Variants in MAJIN observed in about 807,000 individuals in gnomAD.
The protein encoded by MAJIN is membrane anchored junction protein, also known as membrane-anchored junction protein.
Under a neutral mutation model 30.2 loss-of-function variants are expected in MAJIN, and 27 were observed. The ratio of observed to expected loss-of-function variants is 0.89; its 90% CI spans 0.66 to 1.23. The LOEUF is 1.23. Among genes scored for constraint, MAJIN ranks in the 50% most tolerant of loss-of-function variants. MAJIN has a pLI of 0.00. For synonymous variants in MAJIN, 78 were observed against 91.6 expected, an observed-to-expected ratio of 0.85 and a Z score of 0.85; for missense variants, 253 against 260.3, an observed-to-expected ratio of 0.97 and a Z score of 0.19.
rs149450150 is a variant in MAJIN at position 64,947,396 on chromosome 11, G to C, written c.451C>G (p.Pro151Ala). ...KRKHMDEPSS[P>A]SRPGLDRIGK... ...GACCTGTCCAGCCCTGGCCTGCTGGGGGAGCTGGGCTCGTCCATGTGTTTT... is the reference window on the plus strand; with the variant it reads ...GACCTGTCCAGCCCTGGCCTGCTGGCGGAGCTGGGCTCGTCCATGTGTTTT... Residue 151 changes from proline (P) to alanine (A), a missense_variant, in exon 8 of 11, where the codon CCC becomes GCC. Transcript: ENST00000301896. 6.2e-7 allele frequency: 1 copy of C among 1,613,424 alleles called. No individual in the cohort carries two copies. Among genetic ancestry groups the C allele is most frequent in the African/African-American group, 1.3e-5 (1 of 74,916 alleles).
Position 64,938,580 on chromosome 11 carries a change from G to T in MAJIN, c.*2-7C>A. 1 of 1,535,660 alleles carries T rather than the reference G, an allele frequency of 6.5e-7. No individual in the cohort carries two copies. Among genetic ancestry groups the T allele is most frequent in the Non-Finnish European group, 8.7e-7 (1 of 1,146,556 alleles). ...TCGAAACGGGAAGAGAGAGCTGCAA[G>T]AATGAGAACAGAGTAGGCTGAGACT... is the stretch of plus-strand genomic sequence containing the variant. On this transcript the variant is annotated splice_polypyrimidine_tract_variant and splice_region_variant and intron_variant, in intron 10 of 10. Transcript: ENST00000301896.
chr11:64,951,803 T>G (rs1945556252), intron 4 of MAJIN, among the ~76,000 whole-genome samples: 1 of 151,918 alleles, frequency 6.6e-6, no homozygotes, highest in African/African-American at 2.4e-5. Context: ...GTGTCTTGTT[T>G]ATCTTTGTAT....
intron 5 of MAJIN, 33 bp from the exon 6 acceptor site, chr11:64,949,901 G>A (rs377563243): frequency 6.3e-7 from 1 of 1,597,270 alleles, no homozygotes; most frequent in Non-Finnish European, 8.5e-7. Context: ...AAGGAAAGAT[G>A]CCAGTATGCA....
At chr11:64,967,016 C>T (rs944395931) in intron 1 of MAJIN, among the ~76,000 whole-genome samples, 1 of 151,832 alleles carries the variant, frequency 6.6e-6, no homozygotes, top group Non-Finnish European at 1.5e-5. Context: ...TGGCTCATGC[C>T]TGTAATCCCA....
chr11:64,940,701 A>G (rs765805528), intron 8 of MAJIN, 55 bp from the exon 9 acceptor site: 1 of 1,491,688 alleles, frequency 6.7e-7, no homozygotes, highest in Non-Finnish European at 9.3e-7. Context: ...ACTGCATGGC[A>G]ATCTGAATGC....
At chr11:64,946,950 G>A (rs1945461088) in intron 8 of MAJIN, among the ~76,000 whole-genome samples, 1 of 152,070 alleles carries the variant, frequency 6.6e-6, no homozygotes. Context: ...TGCCTCTTAA[G>A]GTTCCAAAAG....
In MAJIN at chr11:64,972,083, C is replaced by T. The variant is rs750927020; in HGVS notation, c.-271G>A. 12 of 152,222 alleles carry T rather than the reference C, an allele frequency of 7.9e-5. No individual in the cohort carries two copies. The highest frequency in any genetic ancestry group is 1.4e-4 in the African/African-American group (6 of 41,468). The allele number at this position is 152,222 out of a possible 1,614,324, so 9.4% of individuals were successfully genotyped here. A position where few individuals can be genotyped will look rare whatever the true frequency, so the allele number is the denominator to read the frequency against. On this transcript the variant is annotated 5_prime_UTR_variant, in exon 1 of 11. Transcript: ENST00000301896. Reference sequence around the variant, plus strand: ...TTCGGGGCTCGTGCCGCGCACCCACCAGGCCTTCTGCGCACGCGCAAGTGC... The same window carrying T: ...TTCGGGGCTCGTGCCGCGCACCCACTAGGCCTTCTGCGCACGCGCAAGTGC...
intron 2 of MAJIN, 95 bp from the exon 3 acceptor site, chr11:64,959,517 G>A (rs1304288139): frequency 6.5e-6 from 6 of 924,028 alleles, no homozygotes; most frequent in Non-Finnish European, 1.0e-5. Flanking sequence ...CTCTTCATGA[G>A]TAAAATGTCC....
At chr11:64,970,424 T>C (rs1945881902) in intron 1 of MAJIN, among the ~76,000 whole-genome samples, 1 of 125,270 alleles carries the variant, frequency 8.0e-6, no homozygotes, top group Admixed American at 9.1e-5. Flanking sequence ...TGGAGTGCAA[T>C]GGTGCGATCT....
At chr11:64,960,981 A>T (rs898366453) in intron 1 of MAJIN, among the ~76,000 whole-genome samples, 1 of 152,206 alleles carries the variant, frequency 6.6e-6, no homozygotes, top group African/African-American at 2.4e-5. Context: ...CCCGGAGGGG[A>T]AATACTGATC....
intron 3 of MAJIN, among the ~76,000 whole-genome samples, chr11:64,955,993 C>T (rs978566574): frequency 6.6e-6 from 1 of 152,108 alleles, no homozygotes; most frequent in Non-Finnish European, 1.5e-5. Flanking sequence ...GTGGTGAAAC[C>T]CTGTCTCTAC....
chr11:64,947,335 T>G (rs763136147), intron 8 of MAJIN, 39 bp downstream of exon 8: 7 of 1,552,232 alleles, frequency 4.5e-6, no homozygotes, highest in Admixed American at 1.9e-5. Context: ...AAAGCCTAAC[T>G]AGGACGCAGG....
At chr11:64,971,576 T>C (rs1457811173) in intron 1 of MAJIN, among the ~76,000 whole-genome samples, 1 of 151,654 alleles carries the variant, frequency 6.6e-6, no homozygotes, top group Non-Finnish European at 1.5e-5. Context: ...TGTGTGCCGG[T>C]CACTCGCCCG....
At chr11:64,970,358 CGTCTTTTT>C (rs1276744516) in intron 1 of MAJIN, among the ~76,000 whole-genome samples, 1 of 96,154 alleles carries the variant, frequency 1.0e-5, no homozygotes, top group African/African-American at 3.3e-5. Flanking sequence ...AGCAAGACTC[CGTCTTTTT>C]TTTTTTTTTT....
intron 1 of MAJIN, among the ~76,000 whole-genome samples, chr11:64,971,293 GGCGCATGCCTGTAATCCCA>G (rs1328962187): frequency 6.6e-6 from 1 of 151,984 alleles, no homozygotes; most frequent in African/African-American, 2.4e-5. Context: ...CAGGAGTGGC[GGCGCATGCCTGTAATCCCA>G]GCTACTCAGG....
At chr11:64,957,333 G>A (rs1478949045) in intron 3 of MAJIN, among the ~76,000 whole-genome samples, 1 of 152,200 alleles carries the variant, frequency 6.6e-6, no homozygotes, top group East Asian at 1.9e-4. Context: ...TCCCACTTGA[G>A]CCTCCCAAAG....
chr11:64,959,182 G>A (rs1347462644), intron 3 of MAJIN, 123 bp downstream of exon 3: 4 of 643,820 alleles, frequency 6.2e-6, no homozygotes, highest in Non-Finnish European at 1.1e-5. Context: ...GGGAAAGACA[G>A]TCCTGCAAGA....
chr11:64,942,155 C>T (rs1945388798), intron 8 of MAJIN, among the ~76,000 whole-genome samples: 1 of 152,138 alleles, frequency 6.6e-6, no homozygotes, highest in South Asian at 2.1e-4. Flanking sequence ...CTCTCTTCAC[C>T]CAGTCAGAAC....
chr11:64,965,222 A>T (rs1435818363), intron 1 of MAJIN, among the ~76,000 whole-genome samples: 2 of 152,148 alleles, frequency 1.3e-5, no homozygotes, highest in Non-Finnish European at 2.9e-5. Context: ...TTAAAATGCC[A>T]CTTGTGCAGG....
Sources: allele counts gnomAD v4.1 joint callset (sites outside exome capture counted in the v4.1 genomes callset), GRCh38; gene constraint gnomAD v4.1.1; transcripts MANE v1.5; gene names NCBI Gene and HGNC (gene_info 2026-07-23, HGNC 2026-07-21).